The following PTPRZ1 variants were observed in gnomAD, a reference collection of about 807,000 sequenced individuals.
PTPRZ1 encodes protein tyrosine phosphatase receptor type Z1.
A neutral mutation model predicts 214.1 loss-of-function variants in PTPRZ1; 82 were observed. The ratio of observed to expected loss-of-function variants is 0.38; its 90% CI spans 0.32 to 0.46. PTPRZ1 has a LOEUF of 0.46. Among genes scored for constraint, PTPRZ1 ranks in the 20% least tolerant of loss-of-function variants. The pLI is 1.00. For missense variants in PTPRZ1, 2,603 were observed against 2,748.7 expected (o/e 0.95, Z 1.19); for synonymous variants, 945 against 987.9 (o/e 0.96, Z 0.81).
intron 1 of PTPRZ1, among the ~76,000 whole-genome samples, chr7:121,885,858 G>A (rs1299356591): frequency 6.6e-6 from 1 of 152,164 alleles, no homozygotes; most frequent in Non-Finnish European, 1.5e-5. Flanking sequence ...CATCACAAGA[G>A]TCTAAGTTGT....
Position 122,012,783 on chromosome 7 carries a change from T to C in PTPRZ1, c.3737T>C (p.Val1246Ala). The C allele has an allele frequency of 6.2e-7, 1 of 1,611,662 alleles. No homozygotes were observed. The highest frequency in any genetic ancestry group is 8.5e-7 in the Non-Finnish European group (1 of 1,177,786). The change falls in exon 12 of 30, where the codon GTG becomes GCG. Residue 1246 changes from valine (V) to alanine (A), a missense_variant. By Grantham distance (64) the Val-to-Ala change is moderately conservative. Coordinates refer to ENST00000393386, the MANE Select transcript of PTPRZ1 (RefSeq NM_002851.3). ...TCTACATCTGTACCAGTTTTTGATG[T>C]GTCGCCTACTTCTCATATGCACTCT... The part of the protein sequence containing the change: ...LHSTSVPVFD[V>A]SPTSHMHSAS...
At chr7:122,004,743 C>A in intron 11 of PTPRZ1, 83 bp downstream of exon 11, 2 of 773,652 alleles carry the variant, frequency 2.6e-6, no homozygotes, top group South Asian at 3.4e-5. Context: ...GGTATTGCCA[C>A]ATGAATAGAA....
intron 2 of PTPRZ1, among the ~76,000 whole-genome samples, chr7:121,955,936 A>G (rs1290428654): frequency 6.6e-6 from 1 of 152,182 alleles, no homozygotes; most frequent in Non-Finnish European, 1.5e-5. Context: ...CTATCACTCT[A>G]TCATCTTATA....
At chr7:121,893,666 A>G (rs1794704383) in intron 1 of PTPRZ1, among the ~76,000 whole-genome samples, 1 of 152,178 alleles carries the variant, frequency 6.6e-6, no homozygotes, top group Non-Finnish European at 1.5e-5. Context: ...GGAAATGGTT[A>G]TTGGGGAGCA....
rs77608527 is a variant in PTPRZ1, at chr7:121,963,188, C to T, written c.125-4763C>T. On this transcript the variant is annotated intron_variant, in intron 2 of 29. Transcript: ENST00000393386. ...TAAAATAGTTTAAACAAGAGCTACA[C>T]AGCAAAGGAGGTGTAGCATAGAGTA... Among the ~76,000 whole-genome samples, 572 of 152,266 alleles carry T rather than the reference C, an allele frequency of 3.8e-3. 3 individuals are homozygous for T. Among genetic ancestry groups the T allele is most frequent in the Admixed American group, 5.9e-3 (91 of 15,300 alleles).
intron 8 of PTPRZ1, among the ~76,000 whole-genome samples, 200 bp downstream of exon 8, chr7:121,984,317 C>G: frequency 6.6e-6 from 1 of 152,092 alleles, no homozygotes; most frequent in East Asian, 1.9e-4. Context: ...ATCTATTCTT[C>G]CCATAAGAAT....
At chr7:122,000,737 A>G (rs1798298553) in intron 10 of PTPRZ1, among the ~76,000 whole-genome samples, 1 of 132,156 alleles carries the variant, frequency 7.6e-6, no homozygotes, top group Admixed American at 8.5e-5. Flanking sequence ...CCCAGGCTGG[A>G]ATGCAGTGGT....
At position 122,040,807 on chromosome 7, in the gene PTPRZ1, CT is replaced by C; in HGVS notation, c.5638-5del. On this transcript the variant is annotated splice_region_variant and splice_polypyrimidine_tract_variant and intron_variant, in intron 20 of 29. Transcript: ENST00000393386. ...GTTTGACTGTTATTAACTGTCTGAA[CT>C]TTTCCAGGGCTCCCAGAAAGGAAGA... 1 of 1,420,508 alleles carries C rather than the reference CT, an allele frequency of 7.0e-7. No homozygotes were observed. Among genetic ancestry groups the C allele is most frequent in the East Asian group, 2.8e-5 (1 of 35,560 alleles). 88.0% of individuals were successfully genotyped at this position (1,420,508 alleles called of 1,614,324 possible).
At chr7:121,987,975 C>T (rs1797814678) in intron 8 of PTPRZ1, among the ~76,000 whole-genome samples, 1 of 152,106 alleles carries the variant, frequency 6.6e-6, no homozygotes, top group African/African-American at 2.4e-5. Context: ...ACATTAATTA[C>T]ACATAGACAT....
intron 13 of PTPRZ1, among the ~76,000 whole-genome samples, chr7:122,024,458 T>C (rs1799147562): frequency 1.3e-5 from 2 of 152,112 alleles, no homozygotes; most frequent in African/African-American, 4.8e-5. Flanking sequence ...TGAAGATGTC[T>C]ACTAACCCAG....
chr7:121,970,598 T>C (rs950002439), intron 3 of PTPRZ1, among the ~76,000 whole-genome samples: 9 of 152,224 alleles, frequency 5.9e-5, no homozygotes, highest in Admixed American at 5.9e-4. Flanking sequence ...CATAAATGTC[T>C]TCTTTTGAGA....
intron 13 of PTPRZ1, among the ~76,000 whole-genome samples, chr7:122,027,584 GTTTCAA>G (rs1799239627): frequency 6.6e-6 from 1 of 152,120 alleles, no homozygotes; most frequent in Non-Finnish European, 1.5e-5. Context: ...GAATTCAAGT[GTTTCAA>G]TTTAACCACT....
intron 8 of PTPRZ1, among the ~76,000 whole-genome samples, chr7:121,993,572 CAAAAAAAA>C (rs66916301): frequency 2.7e-5 from 2 of 73,606 alleles, no homozygotes; most frequent in East Asian, 3.8e-4. Flanking sequence ...GAGACTGTCT[CAAAAAAAA>C]AAAAAAAAAA....
chr7:121,990,432 C>CA (rs1361455655), intron 8 of PTPRZ1, among the ~76,000 whole-genome samples: 2 of 149,828 alleles, frequency 1.3e-5, no homozygotes, highest in Non-Finnish European at 3.0e-5. Context: ...TTTTTGGCAT[C>CA]ATGGAATGGA....
At chr7:121,973,985 A>G (rs1472816930) in intron 4 of PTPRZ1, among the ~76,000 whole-genome samples, 1 of 151,536 alleles carries the variant, frequency 6.6e-6, no homozygotes, top group African/African-American at 2.4e-5. Flanking sequence ...AATTCAAGAA[A>G]ATGCTAGTAA....
At chr7:122,044,364 G>A in intron 22 of PTPRZ1, 58 bp from the exon 23 acceptor site, 3 of 1,591,680 alleles carry the variant, frequency 1.9e-6, no homozygotes, top group Non-Finnish European at 2.6e-6. Flanking sequence ...TATGTTTGTA[G>A]GTAGATACAT....
At chr7:121,964,001 C>G (rs1796962465) in intron 2 of PTPRZ1, among the ~76,000 whole-genome samples, 1 of 152,134 alleles carries the variant, frequency 6.6e-6, no homozygotes, top group Non-Finnish European at 1.5e-5. Context: ...TTAGTAGGGA[C>G]TACTCAACTA....
intron 1 of PTPRZ1, among the ~76,000 whole-genome samples, chr7:121,893,473 A>G (rs1794698922): frequency 6.6e-6 from 1 of 152,204 alleles, no homozygotes; most frequent in Admixed American, 6.5e-5. Context: ...TATTCTGTCA[A>G]ATGAAATGGA....
chr7:121,965,252 C>T (rs1217563579), intron 2 of PTPRZ1, among the ~76,000 whole-genome samples: 2 of 152,144 alleles, frequency 1.3e-5, no homozygotes, highest in Admixed American at 6.5e-5. Context: ...ATTAAGGTGT[C>T]TCATTTGAAG....
Sources: gnomAD v4.1 joint callset for allele counts (sites outside exome capture counted in the v4.1 genomes callset) on GRCh38, gnomAD v4.1.1 for gene constraint, MANE v1.5 for transcripts, NCBI Gene and HGNC (gene_info 2026-07-23, HGNC 2026-07-21) for gene names.